KIAA0513: variants seen among roughly 807,000 people sequenced by gnomAD.
The protein encoded by KIAA0513 is uncharacterized protein KIAA0513.
KIAA0513 carries 39 observed loss-of-function variants against 56.5 expected under a neutral mutation model. The ratio of observed to expected loss-of-function variants is 0.69; its 90% CI spans 0.53 to 0.90. The LOEUF (loss-of-function observed/expected upper bound fraction) is 0.90. KIAA0513 is among the 40% of genes least tolerant of loss of function. The pLI is 0.00. For missense variants in KIAA0513, 591 were observed against 535.2 expected, an observed-to-expected ratio of 1.10 and a Z score of -1.03; for synonymous variants, 268 against 215.6, an observed-to-expected ratio of 1.24 and a Z score of -2.13.
chr16:85,039,111 T>C (rs574130032), intron 1 of KIAA0513, among the ~76,000 whole-genome samples: 1 of 152,348 alleles, frequency 6.6e-6, no homozygotes, highest in East Asian at 1.9e-4. Flanking sequence ...TGCTCAATAA[T>C]ACTTGTTGAG....
rs750417716 is a variant in KIAA0513 at position 85,067,187 on chromosome 16, G to A, written c.116G>A (p.Gly39Glu). 2 of 1,614,162 alleles carry A rather than the reference G, an allele frequency of 1.2e-6. No individual in the cohort carries two copies. Among genetic ancestry groups the A allele is most frequent in the African/African-American group, 1.3e-5 (1 of 75,052 alleles). ...PVLQDGDGSL[G>E]DGASESETTE... is the part of the protein sequence containing the mutation. ...CTGCAGGACGGCGATGGCTCCCTGGGGGACGGTGCATCAGAGAGTGAGACC... is the reference window on the plus strand; with the variant it reads ...CTGCAGGACGGCGATGGCTCCCTGGAGGACGGTGCATCAGAGAGTGAGACC... Residue 39 changes from glycine to glutamate, a missense_variant, in exon 2 of 13, where the codon GGG (glycine) becomes GAG (glutamate). By Grantham distance (98) the Gly-to-Glu change is moderately conservative. Transcript: ENST00000683363.
At chr16:85,038,967 C>T (rs1170374410) in intron 1 of KIAA0513, among the ~76,000 whole-genome samples, 4 of 152,154 alleles carry the variant, frequency 2.6e-5, no homozygotes, top group East Asian at 1.9e-4. Context: ...CTGTTAGTGA[C>T]GTATTTTATT....
chr16:85,038,707 C>CAAAAAAAAAAA (rs769470751), intron 1 of KIAA0513, among the ~76,000 whole-genome samples: 1 of 71,260 alleles, frequency 1.4e-5, no homozygotes, highest in Non-Finnish European at 2.9e-5. Context: ...GACTCAGCCT[C>CAAAAAAAAAAA]AAAAAAAAAA....
chr16:85,050,306 C>G (rs1335482200), intron 1 of KIAA0513, among the ~76,000 whole-genome samples: 1 of 151,436 alleles, frequency 6.6e-6, no homozygotes, highest in Non-Finnish European at 1.5e-5. Flanking sequence ...GACTCCTACT[C>G]TGGAGGAGCT....
rs1159103162 is a variant in KIAA0513 at position 85,067,208 on chromosome 16, A to G, written c.137A>G (p.Glu46Gly). The G allele has an allele frequency of 6.2e-7, 1 of 1,614,164 alleles. No individual in the cohort carries two copies. Among genetic ancestry groups the G allele is most frequent in the African/African-American group, 1.3e-5 (1 of 75,058 alleles). The part of the protein sequence containing the change: ...GSLGDGASES[E>G]TTESADSEND... ...CTGGGGGACGGTGCATCAGAGAGTGAGACCACTGAGTCTGCGGACAGTGAG... is the reference window on the plus strand; with the variant it reads ...CTGGGGGACGGTGCATCAGAGAGTGGGACCACTGAGTCTGCGGACAGTGAG... The change falls in exon 2 of 13, where the codon GAG (glutamate) becomes GGG (glycine). Residue 46 changes from glutamate (E) to glycine (G), a missense_variant. By Grantham distance (98) the Glu-to-Gly change is moderately conservative. Transcript: ENST00000683363.
chr16:85,046,445 T>C (rs2073172398), intron 1 of KIAA0513, among the ~76,000 whole-genome samples: 2 of 152,244 alleles, frequency 1.3e-5, no homozygotes, highest in South Asian at 4.1e-4. Flanking sequence ...AGCCTACTGC[T>C]GACAAGCGTC....
chr16:85,033,540 C>T (rs555880843), intron 1 of KIAA0513, among the ~76,000 whole-genome samples: 111 of 152,302 alleles, frequency 7.3e-4, no homozygotes, highest in Non-Finnish European at 1.4e-3. Flanking sequence ...AAGCCTCCTC[C>T]CGTGTGTAAT....
At chr16:85,070,147 G>A (rs1356079541) in intron 2 of KIAA0513, among the ~76,000 whole-genome samples, 1 of 149,580 alleles carries the variant, frequency 6.7e-6, no homozygotes, top group Non-Finnish European at 1.5e-5. Context: ...CTCCAGCCTG[G>A]GTGACAAAGG....
intron 10 of KIAA0513, 123 bp from the exon 11 acceptor site, chr16:85,086,521 C>T (rs1299168561): frequency 5.5e-6 from 5 of 905,622 alleles, no homozygotes; most frequent in Non-Finnish European, 8.9e-6. Context: ...AAGGCACCCC[C>T]TTCTGTGCCC....
Position 85,075,864 on chromosome 16 carries a change from T to C in KIAA0513, c.524T>C (p.Phe175Ser). The change falls in exon 5 of 13, where the codon TTT becomes TCT. Residue 175 changes from phenylalanine to serine, a missense_variant. By Grantham distance (155) the Phe-to-Ser change is radical. Coordinates refer to ENST00000683363, the MANE Select transcript of KIAA0513 (RefSeq NM_001388359.1). ...VLFECHQMDDFGPAKNLMTMC... is the reference protein window; with the variant it reads ...VLFECHQMDDSGPAKNLMTMC... ...TTCAGGTGTCATCAGATGGATGACT[T>C]TGGGCCTGCCAAGAACCTCATGACC... The C allele has an allele frequency of 6.2e-7, 1 of 1,614,182 alleles. No homozygotes were observed. The highest frequency in any genetic ancestry group is 2.2e-5 in the East Asian group (1 of 44,886).
At position 85,076,378 on chromosome 16, in the gene KIAA0513, C is replaced by T. The variant is rs555123506; in HGVS notation, c.574+464C>T. ...GGCTGGAGATGGCTTATGAGGAGTG[C>T]GGACTGTGCTTGATGCTGAGGCTAG... On this transcript the variant is annotated intron_variant, in intron 5 of 12. Coordinates refer to ENST00000683363, the MANE Select transcript of KIAA0513 (RefSeq NM_001388359.1). The surrounding 1 kb of genome is among the most constrained non-coding windows in gnomAD (Gnocchi z 4.7). Among the ~76,000 whole-genome samples the T allele has an allele frequency of 4.6e-5, 7 of 152,230 alleles. No homozygotes were observed. Among genetic ancestry groups the T allele is most frequent in the African/African-American group, 9.6e-5 (4 of 41,524 alleles).
At chr16:85,084,314 C>T (rs1325687430) in intron 10 of KIAA0513, among the ~76,000 whole-genome samples, 1 of 150,924 alleles carries the variant, frequency 6.6e-6, no homozygotes, top group Non-Finnish European at 1.5e-5. Flanking sequence ...GGTGCGATCT[C>T]GGCTCACTGT....
chr16:85,086,589 T>C (rs2073811277), intron 10 of KIAA0513, 55 bp from the exon 11 acceptor site: 1 of 1,548,466 alleles, frequency 6.5e-7, no homozygotes, highest in Non-Finnish European at 8.9e-7. Context: ...GGCGAGGAGC[T>C]GGGGCAAGGA....
Position 85,088,298 on chromosome 16 carries a change from C to T in KIAA0513, c.1209C>T (p.Asp403=). The part of the protein sequence containing the change: ...LDEEQYKLLS[D]HIEQMATE ...CAGAGCAATACAAGCTGCTTAGTGA[C>T]CACATTGAGCAAATGGCCACTGAGT... is the stretch of plus-strand genomic sequence containing the variant. Residue 403 remains aspartate, a synonymous_variant, in exon 13 of 13, where the codon GAC becomes GAT. Transcript: ENST00000683363. 2.5e-6 allele frequency: 4 copies of T among 1,612,268 alleles called. No individual in the cohort carries two copies. The highest frequency in any genetic ancestry group is 3.4e-6 in the Non-Finnish European group (4 of 1,179,888).
chr16:85,069,099 C>CA (rs1567537823), intron 2 of KIAA0513, among the ~76,000 whole-genome samples: 1 of 152,016 alleles, frequency 6.6e-6, no homozygotes, highest in East Asian at 1.9e-4. Flanking sequence ...GACACAATCA[C>CA]AGCTCACTGC....
chr16:85,067,766 G>A (rs1238662255), intron 2 of KIAA0513, among the ~76,000 whole-genome samples: 3 of 152,032 alleles, frequency 2.0e-5, no homozygotes, highest in Admixed American at 6.6e-5. Flanking sequence ...CATCATCCCC[G>A]TGAGCTCCAT....
At chr16:85,045,726 C>G (rs2073162129) in intron 1 of KIAA0513, among the ~76,000 whole-genome samples, 1 of 152,152 alleles carries the variant, frequency 6.6e-6, no homozygotes. Flanking sequence ...GTCAGTGGTC[C>G]TAAGTTGTCA....
intron 1 of KIAA0513, among the ~76,000 whole-genome samples, chr16:85,065,372 T>C (rs900542336): frequency 2.6e-5 from 4 of 152,202 alleles, no homozygotes; most frequent in Non-Finnish European, 5.9e-5. Flanking sequence ...CCTTTTGAGC[T>C]CATCAGAGTC....
chr16:85,068,445 G>C (rs529455889), intron 2 of KIAA0513, among the ~76,000 whole-genome samples: 1 of 152,084 alleles, frequency 6.6e-6, no homozygotes, highest in African/African-American at 2.4e-5. Flanking sequence ...CCATTCTCCT[G>C]CCTCAGCCTC....
Sources: allele counts gnomAD v4.1 joint callset (sites outside exome capture counted in the v4.1 genomes callset), GRCh38; gene constraint gnomAD v4.1.1; non-coding constraint Gnocchi (gnomAD v3.1); transcripts MANE v1.5; gene names NCBI Gene and HGNC (gene_info 2026-07-23, HGNC 2026-07-21).